Variants in MOCS2 observed in about 807,000 individuals in gnomAD.
MOCS2 encodes the protein molybdopterin synthase catalytic subunit.
A neutral mutation model predicts 21.9 loss-of-function variants in MOCS2; 13 were observed. The ratio of observed to expected loss-of-function variants is 0.59; its 90% CI spans 0.39 to 0.94. MOCS2 has a LOEUF of 0.94. Among genes scored for constraint, MOCS2 ranks in the 40% least tolerant of loss-of-function variants. MOCS2 has a pLI of 0.00. For synonymous variants in MOCS2, 92 were observed against 80.8 expected, an observed-to-expected ratio of 1.14 and a Z score of -0.74; for missense variants, 227 against 218.3, an observed-to-expected ratio of 1.04 and a Z score of -0.25.
Position 53,108,594 on chromosome 5 carries a change from G to T in MOCS2, c.-120C>A. 2 of 1,613,578 alleles carry T rather than the reference G, an allele frequency of 1.2e-6. No individual in the cohort carries two copies. Among genetic ancestry groups the T allele is most frequent in the Middle Eastern group, 1.7e-4 (1 of 6,058 alleles). ...TTCTTGAGGCACAGAAATGGTCTCT[G>T]AACGAACTCCTGTTATTTCAGCACT... On this transcript the variant is annotated 5_prime_UTR_variant, in exon 2 of 7. Transcript: ENST00000396954.
In MOCS2 at chr5:53,102,155, T is replaced by C. The variant is rs747011931; in HGVS notation, c.168A>G (p.Val56=). The C allele has an allele frequency of 6.2e-7, 1 of 1,613,544 alleles. No individual in the cohort carries two copies. The highest frequency in any genetic ancestry group is 1.1e-5 in the South Asian group (1 of 91,052). The change falls in exon 4 of 7, where the codon GTA becomes GTG. Residue 56 remains valine (V), a synonymous_variant. Transcript: ENST00000396954. ...AAATCACCAACTGTGAGACTTCATC[T>C]ACTGAAAGTTTCTCGGCAGTAAAGT... The part of the protein sequence containing the change: ...VINFTAEKLS[V]DEVSQLVISP...
At chr5:53,108,134 T>G (rs1295798252) in intron 2 of MOCS2, 1 of 155,406 alleles carries the variant, frequency 6.4e-6, no homozygotes, top group Non-Finnish European at 1.4e-5. Context: ...AACTCATTTT[T>G]CTTTCAATCT....
chr5:53,107,275 C>A, intron 2 of MOCS2, 54 bp from the exon 3 acceptor site: 1 of 1,512,968 alleles, frequency 6.6e-7, no homozygotes, highest in Non-Finnish European at 9.0e-7. Flanking sequence ...GACCTCAAAT[C>A]GCTTCAGCTG....
In MOCS2 at chr5:53,097,155, T is replaced by G. The variant is rs1403875638; in HGVS notation, c.*1447A>C. 2 of 152,240 alleles carry G rather than the reference T, an allele frequency of 1.3e-5. No homozygotes were observed. Among genetic ancestry groups the G allele is most frequent in the Non-Finnish European group, 2.9e-5 (2 of 68,092 alleles). The allele number at this position is 152,240 out of a possible 1,614,324, so 9.4% of individuals were successfully genotyped here. On this transcript the variant is annotated 3_prime_UTR_variant, in exon 7 of 7. Transcript: ENST00000396954. The stretch of plus-strand genomic sequence containing the variant: ...CCGGCAGAGGAAGTAGGCGGAGGGT[T>G]TGTCTGCCCTTCCAGTATCCTTCTG...
chr5:53,100,434 CTTTTAA>C lies in MOCS2; in HGVS notation c.472_477del (p.Leu158_Lys159del), dbSNP rs770831815. 5.0e-6 allele frequency: 8 copies of C among 1,613,820 alleles called. No homozygotes were observed. The highest frequency in any genetic ancestry group is 2.2e-5 in the East Asian group (1 of 44,864). ...ACCTTTTTCCATATGGGCACCTTGG[CTTTTAA>C]AGTATCAATGGCATAGCTCACAGCT... On this transcript the variant is annotated inframe_deletion, in exon 6 of 7. Coordinates refer to ENST00000396954, the MANE Select transcript of MOCS2 (RefSeq NM_004531.5).
intron 3 of MOCS2, among the ~76,000 whole-genome samples, chr5:53,105,089 A>G (rs1432117438): frequency 6.6e-6 from 1 of 152,152 alleles, no homozygotes; most frequent in Non-Finnish European, 1.5e-5. Context: ...CATAACAATA[A>G]AGCTATTCCT....
chr5:53,098,612 G>A lies in MOCS2; in HGVS notation c.557C>T (p.Ser186Phe). 1 of 1,613,564 alleles carries A rather than the reference G, an allele frequency of 6.2e-7. No homozygotes were observed. The highest frequency in any genetic ancestry group is 8.5e-7 in the Non-Finnish European group (1 of 1,179,600). The stretch of plus-strand genomic sequence containing the variant: ...TAAAAACATAAGTGATTAACTGTTG[G>A]ATGCCCAAAAGCACTCTTTGTTTCC... ...WKGNKECFWA[S>F]NS Residue 186 changes from serine (S) to phenylalanine (F), a missense_variant, in exon 7 of 7, where the codon TCC becomes TTC. Ser to Phe is a radical substitution (Grantham distance 155). Coordinates refer to ENST00000396954, the MANE Select transcript of MOCS2 (RefSeq NM_004531.5).
intron 2 of MOCS2, 65 bp from the exon 3 acceptor site, chr5:53,107,286 C>A: frequency 1.4e-6 from 2 of 1,419,356 alleles, no homozygotes; most frequent in Non-Finnish European, 1.9e-6. Flanking sequence ...GCTTCAGCTG[C>A]AATTAGAGAT....
chr5:53,100,548 A>T lies in MOCS2; in HGVS notation c.378-14T>A. 1 of 1,613,238 alleles carries T rather than the reference A, an allele frequency of 6.2e-7. No homozygotes were observed. Among genetic ancestry groups the T allele is most frequent in the Non-Finnish European group, 8.5e-7 (1 of 1,179,474 alleles). ...ACTGGAACCAAGCTTTAACAAGATG[A>T]AGAGAAAAAAAAATCACCATCATCT... On this transcript the variant is annotated splice_polypyrimidine_tract_variant and intron_variant, in intron 5 of 6. Transcript: ENST00000396954.
chr5:53,108,383 G>A (rs1741107776), intron 2 of MOCS2, 139 bp downstream of exon 2: 6 of 803,032 alleles, frequency 7.5e-6, no homozygotes, highest in South Asian at 7.0e-5. Flanking sequence ...AGTTTTTCAG[G>A]TGTTCCAAAA....
chr5:53,106,443 C>A (rs747065620), intron 3 of MOCS2, among the ~76,000 whole-genome samples: 1 of 152,090 alleles, frequency 6.6e-6, no homozygotes, highest in African/African-American at 2.4e-5. Flanking sequence ...CCAACTAATG[C>A]GGGAACAGAA....
chr5:53,107,051 G>A (rs878932734), intron 3 of MOCS2, 26 bp downstream of exon 3: 1 of 1,613,514 alleles, frequency 6.2e-7, no homozygotes, highest in South Asian at 1.1e-5. Flanking sequence ...CCACACGACT[G>A]ATTAAGAAAA....
Position 53,109,632 on chromosome 5 carries a change from G to A in MOCS2, c.-551C>T. The A allele has an allele frequency of 6.5e-7, 1 of 1,543,098 alleles. No individual in the cohort carries two copies. The highest frequency in any genetic ancestry group is 8.7e-7 in the Non-Finnish European group (1 of 1,143,226). Reference sequence around the variant, plus strand: ...GGGAGGTCCGACTGACCAAGGCTGGGTATGTGGAGGGAAAGGGCGGGAGAG... The same window carrying A: ...GGGAGGTCCGACTGACCAAGGCTGGATATGTGGAGGGAAAGGGCGGGAGAG... On this transcript the variant is annotated 5_prime_UTR_variant, in exon 1 of 7. Coordinates refer to ENST00000396954, the MANE Select transcript of MOCS2 (RefSeq NM_004531.5).
chr5:53,100,886 T>C (rs1035781050), intron 5 of MOCS2: 3 of 314,138 alleles, frequency 9.5e-6, no homozygotes, highest in African/African-American at 2.2e-5. Context: ...TAATACAAAA[T>C]TTAAAATAAT....
chr5:53,105,333 G>A (rs111459294), intron 3 of MOCS2, among the ~76,000 whole-genome samples: 15,881 of 151,944 alleles, frequency 0.1, 943 homozygotes, highest in Middle Eastern at 0.16. Flanking sequence ...CTATACCACA[G>A]GGCTACAGTA....
chr5:53,098,614 T>C lies in MOCS2; in HGVS notation c.555A>G (p.Ala185=), dbSNP rs768042301. The change falls in exon 7 of 7, where the codon GCA becomes GCG. Residue 185 remains alanine (A), a synonymous_variant. Coordinates refer to ENST00000396954, the MANE Select transcript of MOCS2 (RefSeq NM_004531.5). The part of the protein sequence containing the change: ...TWKGNKECFW[A]SNS ...AAAACATAAGTGATTAACTGTTGGA[T>C]GCCCAAAAGCACTCTTTGTTTCCTT... 6.2e-7 allele frequency: 1 copy of C among 1,613,800 alleles called. No individual in the cohort carries two copies. The highest frequency in any genetic ancestry group is 8.5e-7 in the Non-Finnish European group (1 of 1,179,740).
chr5:53,100,486 G>C lies in MOCS2; in HGVS notation c.426C>G (p.Ala142=). Residue 142 remains alanine, a synonymous_variant, in exon 6 of 7, where the codon GCC becomes GCG. Coordinates refer to ENST00000396954, the MANE Select transcript of MOCS2 (RefSeq NM_004531.5). ...CAGCTTCAAGAGATGCAGCTCTGTGGGCTGAGGACACAGCAATGATTATGC... is the reference window on the plus strand; with the variant it reads ...CAGCTTCAAGAGATGCAGCTCTGTGCGCTGAGGACACAGCAATGATTATGC... The part of the protein sequence containing the change: ...EASIIIAVSS[A]HRAASLEAVS... The C allele has an allele frequency of 2.5e-6, 4 of 1,613,394 alleles. No individual in the cohort carries two copies. The highest frequency in any genetic ancestry group is 3.3e-4 in the Middle Eastern group (2 of 6,062).
At position 53,107,204 on chromosome 5, in the gene MOCS2, T is replaced by C. The variant is rs1213066250; in HGVS notation, c.-30A>G. 1.2e-6 allele frequency: 2 copies of C among 1,613,628 alleles called. No individual in the cohort carries two copies. The highest frequency in any genetic ancestry group is 1.1e-5 in the South Asian group (1 of 90,958). On this transcript the variant is annotated 5_prime_UTR_variant, in exon 3 of 7. Coordinates refer to ENST00000396954, the MANE Select transcript of MOCS2 (RefSeq NM_004531.5). ...TTGACGAACAGCAAATATTATCTGA[T>C]TTCTAACATCAGCCAATCTAAAGGG...
chr5:53,099,496 T>C (rs1740847187), intron 6 of MOCS2, among the ~76,000 whole-genome samples: 1 of 152,220 alleles, frequency 6.6e-6, no homozygotes. Flanking sequence ...GGGAACAATA[T>C]ATCTGAGCTT....
Sources: gnomAD v4.1 joint callset for allele counts (sites outside exome capture counted in the v4.1 genomes callset) on GRCh38, gnomAD v4.1.1 for gene constraint, MANE v1.5 for transcripts, NCBI Gene and HGNC (gene_info 2026-07-23, HGNC 2026-07-21) for gene names.